Variants in EIF3E observed in about 807,000 individuals in gnomAD.
EIF3E encodes the protein eukaryotic translation initiation factor 3 subunit E, also known as eIF-3 p48.
In EIF3E, 25 loss-of-function variants were observed where a neutral mutation model predicts 59.3. The observed-to-expected ratio is 0.42, with a 90% CI of 0.31 to 0.59. The LOEUF (loss-of-function observed/expected upper bound fraction) is 0.59, where lower values mean the gene tolerates loss of function less well. Ranked by LOEUF, EIF3E falls within the 20% of genes least tolerant of loss-of-function variation. The pLI, the probability that EIF3E is intolerant of heterozygous loss-of-function variation, is 0.15. For missense variants in EIF3E, 317 were observed against 534.3 expected, an observed-to-expected ratio of 0.59 and a Z score of 4.01; for synonymous variants, 176 against 170.2, an observed-to-expected ratio of 1.03 and a Z score of -0.26.
intron 5 of EIF3E, among the ~76,000 whole-genome samples, chr8:108,232,679 G>C (rs1815646153): frequency 6.6e-6 from 1 of 152,124 alleles, no homozygotes; most frequent in Non-Finnish European, 1.5e-5. Flanking sequence ...TAGCAGTGTA[G>C]CAAGTTTTTT....
chr8:108,217,420 G>T lies in EIF3E; in HGVS notation c.763C>A (p.Arg255Ser). 6.2e-7 allele frequency: 1 copy of T among 1,604,992 alleles called. No homozygotes were observed. ...GTTATGACTGCTGTAGTCAAATAGCGAAGAATGTGTGGACACATTGTCTGA... is the reference window on the plus strand; with the variant it reads ...GTTATGACTGCTGTAGTCAAATAGCTAAGAATGTGTGGACACATTGTCTGA... ...AIQTMCPHIL[R>S]YLTTAVITNK... Residue 255 changes from arginine (R) to serine (S), a missense_variant, in exon 8 of 13, where the codon CGC (arginine) becomes AGC (serine). By Grantham distance (110) the Arg-to-Ser change is moderately radical (BLOSUM62 -1). Coordinates refer to ENST00000220849, the MANE Select transcript of EIF3E (RefSeq NM_001568.3).
intron 3 of EIF3E, among the ~76,000 whole-genome samples, chr8:108,236,703 C>A (rs545003707): frequency 2.6e-5 from 4 of 152,208 alleles, no homozygotes; most frequent in Non-Finnish European, 5.9e-5. Flanking sequence ...TTCAAAAGGA[C>A]GATTTGACAA....
In EIF3E at chr8:108,204,768, G is replaced by A. The variant is rs1448953451; in HGVS notation, c.1062-1265C>T. Among the ~76,000 whole-genome samples, 3 of 126,936 alleles carry A rather than the reference G, an allele frequency of 2.4e-5. 1 individual carries two copies. In the South Asian group the frequency reaches 7.3e-4, roughly 31 times the overall value. The allele number at this position is 126,936 out of a possible 152,430, so 83.3% of individuals were successfully genotyped here. On this transcript the variant is annotated intron_variant, in intron 10 of 12. Coordinates refer to ENST00000220849, the MANE Select transcript of EIF3E (RefSeq NM_001568.3). ...ATATAGAGAGAGAGAGAGAGAGAGAGAGAGAGAGAGAGACAGAGAGAGAGA... is the reference window on the plus strand; with the variant it reads ...ATATAGAGAGAGAGAGAGAGAGAGAAAGAGAGAGAGAGACAGAGAGAGAGA...
At chr8:108,235,167 A>C (rs574034351) in intron 4 of EIF3E, 65 bp from the exon 5 acceptor site, 1 of 1,037,956 alleles carries the variant, frequency 9.6e-7, no homozygotes, top group East Asian at 2.8e-5. Context: ...ATTGTAATTC[A>C]TAAGTCTTTG....
At chr8:108,235,555 C>T (rs985961079) in intron 4 of EIF3E, among the ~76,000 whole-genome samples, 2 of 152,178 alleles carry the variant, frequency 1.3e-5, no homozygotes, top group Non-Finnish European at 2.9e-5. Flanking sequence ...TGTGGCCCTC[C>T]GGTACTGGTC....
intron 3 of EIF3E, among the ~76,000 whole-genome samples, chr8:108,236,768 T>G (rs916520962): frequency 2.0e-5 from 3 of 152,188 alleles, no homozygotes; most frequent in African/African-American, 7.2e-5. Context: ...ATACCTGTAA[T>G]CCCAGCACTT....
intron 1 of EIF3E, chr8:108,243,405 G>C (rs181613017): frequency 1.3e-5 from 2 of 152,028 alleles, no homozygotes; most frequent in South Asian, 4.2e-4. Flanking sequence ...CGAGGCAGGC[G>C]GATCACGAGG....
chr8:108,204,810 T>G (rs934480161), intron 10 of EIF3E, among the ~76,000 whole-genome samples: 3 of 130,552 alleles, frequency 2.3e-5, no homozygotes, highest in African/African-American at 8.3e-5. Flanking sequence ...GAGACTGAAT[T>G]TCAGATAAAA....
chr8:108,220,273 T>G (rs553597672), intron 7 of EIF3E, among the ~76,000 whole-genome samples: 1 of 152,394 alleles, frequency 6.6e-6, no homozygotes, highest in African/African-American at 2.4e-5. Context: ...TCTATTATTT[T>G]GGTATTATCT....
rs182548691 is a variant in EIF3E, at chr8:108,214,656, G to C, written c.1012C>G (p.Leu338Val). 3 of 1,611,794 alleles carry C rather than the reference G, an allele frequency of 1.9e-6. No homozygotes were observed. Among genetic ancestry groups the C allele is most frequent in the Admixed American group, 3.4e-5 (2 of 59,430 alleles). ...CLEDFIENAR[L>V]FIFETFCRIH... ...CGACAGAAAGTCTCAAATATGAAGAGACGGGCATTTTCAATGAAATCCTCA... is the reference window on the plus strand; with the variant it reads ...CGACAGAAAGTCTCAAATATGAAGACACGGGCATTTTCAATGAAATCCTCA... The change falls in exon 10 of 13, where the codon CTC (leucine) becomes GTC (valine). Residue 338 changes from leucine to valine, a missense_variant. This residue lies in a region of EIF3E where 242 missense variants were observed against 398.0 expected (regional missense o/e 0.61). Transcript: ENST00000220849.
At chr8:108,219,149 C>T (rs1586197586) in intron 7 of EIF3E, among the ~76,000 whole-genome samples, 1 of 152,138 alleles carries the variant, frequency 6.6e-6, no homozygotes, top group African/African-American at 2.4e-5. Context: ...TCAATTTATA[C>T]ATAAATAGTT....
At chr8:108,247,011 T>C (rs1329883969) in intron 1 of EIF3E, among the ~76,000 whole-genome samples, 3 of 152,162 alleles carry the variant, frequency 2.0e-5, no homozygotes, top group African/African-American at 4.8e-5. Flanking sequence ...CTAACCCCTG[T>C]ACTGTCCAAG....
intron 10 of EIF3E, among the ~76,000 whole-genome samples, chr8:108,204,729 A>ATG (rs1213779420): frequency 9.4e-4 from 71 of 75,790 alleles, no homozygotes; most frequent in East Asian, 6.0e-3. Flanking sequence ...TATAGTATGT[A>ATG]TGTATATATA....
At chr8:108,208,972 A>G (rs1345646596) in intron 10 of EIF3E, among the ~76,000 whole-genome samples, 1 of 152,118 alleles carries the variant, frequency 6.6e-6, no homozygotes, top group African/African-American at 2.4e-5. Context: ...TATCCTACAT[A>G]TCAATAAGGT....
intron 2 of EIF3E, 80 bp downstream of exon 2, chr8:108,241,719 G>T: frequency 1.3e-6 from 1 of 782,200 alleles, no homozygotes; most frequent in Non-Finnish European, 1.9e-6. Flanking sequence ...TTTGGCTAAA[G>T]CTGTCTTATA....
At chr8:108,219,504 T>C (rs1030105679) in intron 7 of EIF3E, among the ~76,000 whole-genome samples, 1 of 152,242 alleles carries the variant, frequency 6.6e-6, no homozygotes, top group South Asian at 2.1e-4. Flanking sequence ...AATTTAGAGG[T>C]CCATATCATT....
intron 1 of EIF3E, among the ~76,000 whole-genome samples, chr8:108,248,167 G>A (rs766220316): frequency 2.6e-5 from 4 of 152,122 alleles, no homozygotes; most frequent in African/African-American, 9.7e-5. Context: ...AAGTGTAAGA[G>A]AATCACTCCA....
chr8:108,236,185 A>G lies in EIF3E; in HGVS notation c.342T>C (p.Phe114=). 1.2e-6 allele frequency: 2 copies of G among 1,610,710 alleles called. No individual in the cohort carries two copies. Among genetic ancestry groups the G allele is most frequent in the Non-Finnish European group, 8.5e-7 (1 of 1,178,630 alleles). The change falls in exon 4 of 13, where the codon TTT becomes TTC. Residue 114 remains phenylalanine, a synonymous_variant. Coordinates refer to ENST00000220849, the MANE Select transcript of EIF3E (RefSeq NM_001568.3). The part of the protein sequence containing the change: ...MQSTRDGRML[F]DYLADKHGFR... ...CACCATGCTTGTCCGCCAGGTAGTC[A>G]AAGAGCATCCTACCATCCCTAAATA...
In EIF3E at chr8:108,217,372, G is replaced by A; in HGVS notation, c.811C>T (p.Arg271Trp). The A allele has an allele frequency of 2.5e-6, 4 of 1,584,810 alleles. No homozygotes were observed. The South Asian group carries it at 3.4e-5, about 14-fold the overall frequency. ...TTAACTAGATCTTTTAGAACCTGCC[G>A]ACGTTTTCGAACATCCTTGTTTGTT... ...VITNKDVRKR[R>W]QVLKDLVKVI... Residue 271 changes from arginine to tryptophan, a missense_variant, in exon 8 of 13, where the codon CGG (arginine) becomes TGG (tryptophan). By Grantham distance (101) the Arg-to-Trp change is moderately radical. Transcript: ENST00000220849.
Sources: gnomAD v4.1 joint callset for allele counts (sites outside exome capture counted in the v4.1 genomes callset) on GRCh38, gnomAD v4.1.1 for gene constraint, gnomAD v4.1.1 regional missense constraint, MANE v1.5 for transcripts, NCBI Gene and HGNC (gene_info 2026-07-23, HGNC 2026-07-21) for gene names.